Variants in NRXN3 observed in about 807,000 individuals in gnomAD.
The protein encoded by NRXN3 is neurexin 3.
A neutral mutation model predicts 137.6 loss-of-function variants in NRXN3; 32 were observed. The ratio of observed to expected loss-of-function variants is 0.23; its 90% confidence interval spans 0.18 to 0.31. NRXN3 has a LOEUF of 0.31. Ranked by LOEUF, NRXN3 falls within the 10% of genes least tolerant of loss-of-function variation. The pLI is 1.00. For synonymous variants in NRXN3, 798 were observed against 784.5 expected (o/e 1.02, Z -0.29); for missense variants, 1,574 against 2,062.5 (o/e 0.76, Z 4.59).
At chr14:78,377,780 T>A (rs531064349) in intron 4 of NRXN3, among the ~76,000 whole-genome samples, 50 of 152,330 alleles carry the variant, frequency 3.3e-4, no homozygotes, top group African/African-American at 9.6e-4. Context: ...GTCACCCTGA[T>A]CACCTCATTT....
intron 1 of NRXN3, among the ~76,000 whole-genome samples, chr14:78,228,395 A>G (rs1330410605): frequency 6.6e-6 from 1 of 152,106 alleles, no homozygotes; most frequent in Non-Finnish European, 1.5e-5. Flanking sequence ...ACCTCAAGTG[A>G]TCTGCCTGCT....
rs1040154155 is a variant in NRXN3 at position 78,734,024 on chromosome 14, G to A, written c.2044+18885G>A. ...ATTGACTGTAGATGGCAGAGGAGGG[G>A]GAAAGAGAATAGGCCTAAATCTCAG... On this transcript the variant is annotated intron_variant, in intron 8 of 20. Coordinates refer to ENST00000335750, the MANE Select transcript of NRXN3 (RefSeq NM_001330195.2). 3.7e-4 allele frequency among the ~76,000 whole-genome samples: 56 copies of A among 152,050 alleles called. 1 individual carries two copies. Among genetic ancestry groups the A allele is most frequent in the African/African-American group, 1.3e-3 (55 of 41,384 alleles).
chr14:78,224,836 G>A (rs533755351), intron 1 of NRXN3, among the ~76,000 whole-genome samples: 73 of 124,902 alleles, frequency 5.8e-4, no homozygotes, highest in African/African-American at 1.9e-3. Flanking sequence ...GCGCAATCTC[G>A]GCTCACTGCA....
At chr14:79,714,031 T>C (rs2098815245) in intron 19 of NRXN3, among the ~76,000 whole-genome samples, 1 of 152,144 alleles carries the variant, frequency 6.6e-6, no homozygotes, top group Non-Finnish European at 1.5e-5. Context: ...ATCACCATAA[T>C]ATATTTATTT....
chr14:79,074,380 A>G (rs1297311378), intron 15 of NRXN3, among the ~76,000 whole-genome samples: 1 of 152,232 alleles, frequency 6.6e-6, no homozygotes, highest in Non-Finnish European at 1.5e-5. Context: ...AAATTACTAA[A>G]TCAGTTCTAG....
rs954771402 is a variant in NRXN3 at position 79,431,105 on chromosome 14, T to C, written c.3263-36116T>C. 4.6e-5 allele frequency among the ~76,000 whole-genome samples: 7 copies of C among 152,120 alleles called. No homozygotes were observed. In the East Asian group the frequency reaches 1.4e-3, roughly 29 times the overall value. ...GAATGCATAGCTGAAAAGATGACTT[T>C]AGTCTTTATTCACAACCTGTAAACT... On this transcript the variant is annotated intron_variant, in intron 15 of 20. Transcript: ENST00000335750.
intron 1 of NRXN3, among the ~76,000 whole-genome samples, chr14:78,191,694 G>A (rs2060748136): frequency 6.6e-6 from 1 of 152,162 alleles, no homozygotes; most frequent in Non-Finnish European, 1.5e-5. Context: ...GGGAATGTGG[G>A]AGTGGTGCCA....
intron 6 of NRXN3, among the ~76,000 whole-genome samples, chr14:78,656,443 G>A (rs902474728): frequency 6.6e-6 from 1 of 152,128 alleles, no homozygotes; most frequent in Non-Finnish European, 1.5e-5. Context: ...GCATGTTCTG[G>A]TGTCTGGGTG....
chr14:78,402,675 T>C (rs1248312063), intron 4 of NRXN3, among the ~76,000 whole-genome samples: 1 of 152,200 alleles, frequency 6.6e-6, no homozygotes, highest in East Asian at 1.9e-4. Flanking sequence ...TGAAATCACA[T>C]AGGTCTAATC....
At chr14:79,747,491 A>T (rs927015632) in intron 19 of NRXN3, among the ~76,000 whole-genome samples, 1 of 152,042 alleles carries the variant, frequency 6.6e-6, no homozygotes, top group African/African-American at 2.4e-5. Flanking sequence ...TTCCTGCACT[A>T]TGTTTCCCAA....
intron 1 of NRXN3, among the ~76,000 whole-genome samples, chr14:78,183,951 T>G (rs1157311654): frequency 6.6e-6 from 1 of 152,244 alleles, no homozygotes; most frequent in Non-Finnish European, 1.5e-5. Context: ...TTGTAGAGTT[T>G]GGATGACAGT....
chr14:78,820,202 C>T (rs1438258061), intron 10 of NRXN3, among the ~76,000 whole-genome samples: 1 of 149,248 alleles, frequency 6.7e-6, no homozygotes, highest in Non-Finnish European at 1.5e-5. Flanking sequence ...TTTCATTATG[C>T]CTAATATATA....
Position 79,642,686 on chromosome 14 carries a change from T to C in NRXN3, c.3445-21092T>C, listed in dbSNP as rs895480857. Among the ~76,000 whole-genome samples the C allele has an allele frequency of 3.3e-4, 44 of 135,374 alleles. 10 individuals are homozygous for C. Among genetic ancestry groups the C allele is most frequent in the Non-Finnish European group, 8.6e-5 (5 of 58,150 alleles). 88.8% of individuals were successfully genotyped at this position (135,374 alleles called of 152,430 possible). A position where few individuals can be genotyped will look rare whatever the true frequency, so the allele number is the denominator to read the frequency against. On this transcript the variant is annotated intron_variant, in intron 16 of 20. Coordinates refer to ENST00000335750, the MANE Select transcript of NRXN3 (RefSeq NM_001330195.2). ...TGTAAGCCTGCCTCAGTTTTCTTCA[T>C]GGTGGCCTCAGAGATATCACTGAAG...
At chr14:79,015,055 C>T (rs1482649890) in intron 15 of NRXN3, among the ~76,000 whole-genome samples, 1 of 152,116 alleles carries the variant, frequency 6.6e-6, no homozygotes, top group Non-Finnish European at 1.5e-5. Flanking sequence ...TCAGAGTGCG[C>T]CTGTCTTCGC....
chr14:78,388,590 T>C (rs1055819262), intron 4 of NRXN3, among the ~76,000 whole-genome samples: 3 of 152,182 alleles, frequency 2.0e-5, no homozygotes, highest in African/African-American at 7.2e-5. Flanking sequence ...TTTGTTTCCA[T>C]ATTTTTTCTG....
At chr14:78,917,356 A>G (rs1409583184) in intron 10 of NRXN3, among the ~76,000 whole-genome samples, 2 of 152,168 alleles carry the variant, frequency 1.3e-5, no homozygotes, top group Non-Finnish European at 2.9e-5. Flanking sequence ...TAACTATTGG[A>G]TACTAGGGTT....
intron 16 of NRXN3, among the ~76,000 whole-genome samples, chr14:79,565,170 C>T (rs940657727): frequency 6.7e-6 from 1 of 148,812 alleles, no homozygotes. Context: ...TGTGTAAGTG[C>T]TATAAGTATA....
intron 1 of NRXN3, among the ~76,000 whole-genome samples, chr14:78,230,657 T>C (rs1226994794): frequency 6.6e-6 from 1 of 152,066 alleles, no homozygotes; most frequent in Non-Finnish European, 1.5e-5. Context: ...GAAAAGAAAT[T>C]GCAAAGACTC....
chr14:79,095,751 G>T (rs1271726062), intron 15 of NRXN3, among the ~76,000 whole-genome samples: 4 of 152,074 alleles, frequency 2.6e-5, no homozygotes, highest in Non-Finnish European at 5.9e-5. Context: ...TGGAATTCTT[G>T]CGAAGGTTAC....
Sources: gnomAD v4.1 joint callset for allele counts (sites outside exome capture counted in the v4.1 genomes callset) on GRCh38, gnomAD v4.1.1 for gene constraint, MANE v1.5 for transcripts, NCBI Gene and HGNC (gene_info 2026-07-23, HGNC 2026-07-21) for gene names.